The following ASB1 variants were observed in gnomAD, a reference collection of about 807,000 sequenced individuals.
ASB1 encodes the protein ankyrin repeat and SOCS box containing 1, also known as ankyrin repeat and SOCS box protein 1.
Under a neutral mutation model 27.7 loss-of-function variants are expected in ASB1, and 18 were observed. The observed-to-expected ratio is 0.65, with a 90% CI of 0.45 to 0.96. The LOEUF (loss-of-function observed/expected upper bound fraction) is 0.96, where lower values mean the gene tolerates loss of function less well. ASB1 is among the 50% of genes least tolerant of loss of function. The probability of loss-of-function intolerance (pLI) is 0.00; values close to 1 mark genes in which losing one functional copy is unlikely to be tolerated. For missense variants in ASB1, 397 were observed against 451.7 expected (o/e 0.88, Z 1.10); for synonymous variants, 189 against 187.6 (o/e 1.01, Z -0.06).
chr2:238,428,320 C>T (rs1405874780), intron 1 of ASB1, among the ~76,000 whole-genome samples: 2 of 152,130 alleles, frequency 1.3e-5, no homozygotes, highest in Admixed American at 1.3e-4. Context: ...GACGGAGTTT[C>T]GCTCTTGTTG....
At chr2:238,429,698 C>T (rs953327791) in intron 1 of ASB1, among the ~76,000 whole-genome samples, 44 of 151,954 alleles carry the variant, frequency 2.9e-4, no homozygotes, top group African/African-American at 9.4e-4. Flanking sequence ...TTTGGGAGGC[C>T]GAGGCAGGCA....
chr2:238,430,824 A>G (rs1444147546), intron 1 of ASB1, among the ~76,000 whole-genome samples: 1 of 151,970 alleles, frequency 6.6e-6, no homozygotes, highest in Non-Finnish European at 1.5e-5. Context: ...GACTAGGCAT[A>G]TTGTCAGCGA....
chr2:238,440,855 C>G (rs532974741), intron 3 of ASB1, among the ~76,000 whole-genome samples: 1 of 152,314 alleles, frequency 6.6e-6, no homozygotes, highest in East Asian at 1.9e-4. Flanking sequence ...GATTTGTTTC[C>G]TCCCATCGGG....
At chr2:238,431,422 C>T (rs1365139327) in intron 1 of ASB1, among the ~76,000 whole-genome samples, 2 of 152,234 alleles carry the variant, frequency 1.3e-5, no homozygotes, top group Non-Finnish European at 2.9e-5. Flanking sequence ...TTGATCGTAT[C>T]TCCAGACTAC....
At chr2:238,442,761 TG>T (rs752820527) in intron 3 of ASB1, among the ~76,000 whole-genome samples, 43 of 152,336 alleles carry the variant, frequency 2.8e-4, no homozygotes, top group Non-Finnish European at 5.1e-4. Context: ...TTTTTCCATA[TG>T]GATGTCCAGT....
intron 1 of ASB1, among the ~76,000 whole-genome samples, chr2:238,431,787 A>C (rs779137016): frequency 1.3e-5 from 2 of 152,238 alleles, no homozygotes; most frequent in Non-Finnish European, 2.9e-5. Flanking sequence ...GTCAGAACAC[A>C]GACCACGTTG....
chr2:238,428,701 C>G (rs533790593), intron 1 of ASB1, among the ~76,000 whole-genome samples: 2 of 152,276 alleles, frequency 1.3e-5, no homozygotes, highest in African/African-American at 2.4e-5. Context: ...AAGTGCTATC[C>G]TGGGGCAGTT....
At chr2:238,445,656 A>C (rs955907217) in intron 4 of ASB1, among the ~76,000 whole-genome samples, 17 of 151,906 alleles carry the variant, frequency 1.1e-4, no homozygotes, top group Non-Finnish European at 2.2e-4. Flanking sequence ...ACCCCCTCCC[A>C]CCGCTCCCAG....
intron 3 of ASB1, 27 bp from the exon 4 acceptor site, chr2:238,444,315 G>A: frequency 6.3e-7 from 1 of 1,580,854 alleles, no homozygotes; most frequent in Non-Finnish European, 8.6e-7. Flanking sequence ...CCCCTGCACA[G>A]TCTGACTTTC....
chr2:238,438,967 T>G lies in ASB1; in HGVS notation c.494+2954T>G, dbSNP rs1702024852. 3.3e-5 allele frequency among the ~76,000 whole-genome samples: 5 copies of G among 152,386 alleles called. No individual in the cohort carries two copies. In the South Asian group the frequency reaches 1.0e-3, roughly 32 times the overall value. ...GAAAATATTCAGGATTAAAATTAAC[T>G]GGATCTCATCCAGTATATTTTTATG... On this transcript the variant is annotated intron_variant, in intron 3 of 4. Transcript: ENST00000264607.
intron 1 of ASB1, chr2:238,433,336 G>C: frequency 1.9e-6 from 1 of 526,220 alleles, no homozygotes; most frequent in Non-Finnish European, 3.4e-6. Flanking sequence ...GTGTTGCCCA[G>C]GCTGATCTTG....
chr2:238,443,144 G>C (rs1004063401), intron 3 of ASB1, among the ~76,000 whole-genome samples: 2 of 152,114 alleles, frequency 1.3e-5, no homozygotes, highest in African/African-American at 4.8e-5. Flanking sequence ...AATTTAGGGA[G>C]AATTATCTTC....
chr2:238,435,538 A>G (rs889543680), intron 2 of ASB1, among the ~76,000 whole-genome samples, 173 bp from the exon 3 acceptor site: 2 of 152,182 alleles, frequency 1.3e-5, no homozygotes, highest in Non-Finnish European at 1.5e-5. Context: ...CTGCCCTGCC[A>G]TGCCCCGGTC....
intron 3 of ASB1, among the ~76,000 whole-genome samples, chr2:238,439,699 T>C (rs1272868968): frequency 6.6e-6 from 1 of 152,174 alleles, no homozygotes; most frequent in Non-Finnish European, 1.5e-5. Context: ...AGTCATGTCA[T>C]GCGTTTTGGG....
At chr2:238,434,021 C>A (rs1279908926) in intron 2 of ASB1, among the ~76,000 whole-genome samples, 5 of 152,214 alleles carry the variant, frequency 3.3e-5, no homozygotes, top group African/African-American at 1.2e-4. Flanking sequence ...GCGGCCCTGC[C>A]CCATCTTGGG....
intron 3 of ASB1, among the ~76,000 whole-genome samples, chr2:238,439,045 T>C (rs755355798): frequency 7.9e-5 from 12 of 152,242 alleles, no homozygotes; most frequent in Non-Finnish European, 1.8e-4. Flanking sequence ...GATTGTCATA[T>C]TGCCCAAAAT....
In ASB1 at chr2:238,444,734, GGCTTGAGTTCA is replaced by G; in HGVS notation, c.880+11_880+21del. 1 of 1,597,914 alleles carries G rather than the reference GGCTTGAGTTCA, an allele frequency of 6.3e-7. No homozygotes were observed. ...GTCTTTAAAGAGGCCAGAAGTAAGTGGCTTGAGTTCAGCTCTGACTTGTGGGCTGGGTTGAT... is the reference window on the plus strand; with the variant it reads ...GTCTTTAAAGAGGCCAGAAGTAAGTGGCTCTGACTTGTGGGCTGGGTTGAT... On this transcript the variant is annotated splice_region_variant and intron_variant, in intron 4 of 4. Coordinates refer to ENST00000264607, the MANE Select transcript of ASB1 (RefSeq NM_001040445.3).
rs189754217 is a variant in ASB1, at chr2:238,441,167, C to T, written c.495-3175C>T. Among the ~76,000 whole-genome samples, 636 of 148,532 alleles carry T rather than the reference C, an allele frequency of 4.3e-3. 4 individuals are homozygous for T. The highest frequency in any genetic ancestry group is 0.015 in the African/African-American group (610 of 40,160). On this transcript the variant is annotated intron_variant, in intron 3 of 4. Coordinates refer to ENST00000264607, the MANE Select transcript of ASB1 (RefSeq NM_001040445.3). ...TTTTTTTTTTTTTGAGATGGAGTCT[C>T]GCTCTGTTGCCCAGGCTAGAGAAGT... is the stretch of plus-strand genomic sequence containing the variant.
rs1366575045 is a variant in ASB1, at chr2:238,435,972, C to T, written c.453C>T (p.Ala151=). 3.1e-6 allele frequency: 5 copies of T among 1,613,778 alleles called. No individual in the cohort carries two copies. Among genetic ancestry groups the T allele is most frequent in the Non-Finnish European group, 3.4e-6 (4 of 1,180,004 alleles). Residue 151 remains alanine, a synonymous_variant, in exon 3 of 5, where the codon GCC becomes GCT. Transcript: ENST00000264607. The part of the protein sequence containing the change: ...RHHRSTPVYH[A]SRVGRADILK... ...ATCGCAGCACCCCTGTCTACCACGC[C>T]TCTCGCGTGGGCCGGGCAGACATCC...
Sources: gnomAD v4.1 joint callset for allele counts (sites outside exome capture counted in the v4.1 genomes callset) on GRCh38, gnomAD v4.1.1 for gene constraint, MANE v1.5 for transcripts, NCBI Gene and HGNC (gene_info 2026-07-23, HGNC 2026-07-21) for gene names.